ADD2: variants seen among roughly 807,000 people sequenced by gnomAD.
ADD2 encodes beta-adducin.
In ADD2, 23 loss-of-function variants were observed where a neutral mutation model predicts 83.0. That is an observed-to-expected ratio of 0.28 (90% confidence interval 0.20 to 0.39). ADD2 has a LOEUF of 0.39. Among genes scored for constraint, ADD2 ranks in the 10% least tolerant of loss-of-function variants. ADD2 has a pLI of 1.00. For missense variants in ADD2, 758 were observed against 944.9 expected (o/e 0.80, Z 2.59); for synonymous variants, 375 against 375.4 (o/e 1.00, Z 0.01).
chr2:70,672,164 C>A (rs1401185377), intron 15 of ADD2, among the ~76,000 whole-genome samples: 2 of 152,202 alleles, frequency 1.3e-5, no homozygotes, highest in African/African-American at 2.4e-5. Flanking sequence ...GTCAACAAAA[C>A]TGAGGCTCAG....
chr2:70,734,134 T>C (rs1432228154), intron 1 of ADD2, among the ~76,000 whole-genome samples: 2 of 152,150 alleles, frequency 1.3e-5, no homozygotes, highest in African/African-American at 4.8e-5. Context: ...GGGGGCTCTA[T>C]TAATGGCTCA....
intron 10 of ADD2, among the ~76,000 whole-genome samples, chr2:70,681,974 A>C (rs75244570): frequency 0.066 from 10,033 of 152,016 alleles, 556 homozygotes; most frequent in African/African-American, 0.15. Context: ...TCTGACTCAG[A>C]CTCCCAAGGT....
At chr2:70,735,787 T>C (rs3771414) in intron 1 of ADD2, among the ~76,000 whole-genome samples, 49,485 of 147,188 alleles carry the variant, frequency 0.34, 8,466 homozygotes, top group Middle Eastern at 0.41. Flanking sequence ...AGTGGCGTGA[T>C]CTTGGCTCAC....
intron 15 of ADD2, among the ~76,000 whole-genome samples, chr2:70,666,681 A>G (rs1468400866): frequency 6.6e-6 from 1 of 152,116 alleles, no homozygotes; most frequent in Non-Finnish European, 1.5e-5. Context: ...TCCTTCAACC[A>G]TGCCCCTCAT....
At chr2:70,741,517 T>C (rs1673904916) in intron 1 of ADD2, 1 of 152,258 alleles carries the variant, frequency 6.6e-6, no homozygotes, top group East Asian at 1.9e-4. Flanking sequence ...CACCAGTATA[T>C]GTTTCCTCTC....
intron 4 of ADD2, among the ~76,000 whole-genome samples, chr2:70,698,537 T>C (rs188913285): frequency 6.6e-6 from 1 of 152,328 alleles, no homozygotes; most frequent in African/African-American, 2.4e-5. Context: ...CAAGAATTCA[T>C]AGTGTATTTC....
chr2:70,737,456 T>C (rs1225045946), intron 1 of ADD2, among the ~76,000 whole-genome samples: 1 of 151,796 alleles, frequency 6.6e-6, no homozygotes, highest in Non-Finnish European at 1.5e-5. Flanking sequence ...ACCATCATTC[T>C]CAGCAGACTA....
chr2:70,757,120 G>A (rs971424903), intron 1 of ADD2, among the ~76,000 whole-genome samples: 1 of 152,194 alleles, frequency 6.6e-6, no homozygotes, highest in African/African-American at 2.4e-5. Context: ...AAGCCACCGT[G>A]CCCGGCTGGT....
chr2:70,730,449 C>T (rs13008845), intron 1 of ADD2, among the ~76,000 whole-genome samples: 20,496 of 152,232 alleles, frequency 0.13, 1,567 homozygotes, highest in Middle Eastern at 0.26. Context: ...TTTACACACA[C>T]CTGTTATGTC....
intron 4 of ADD2, among the ~76,000 whole-genome samples, chr2:70,698,813 G>A (rs1671437209): frequency 6.6e-6 from 1 of 152,058 alleles, no homozygotes; most frequent in South Asian, 2.1e-4. Flanking sequence ...AGATCTAACT[G>A]AGCCATTTAG....
At chr2:70,767,107 C>T (rs1675424747) in intron 1 of ADD2, among the ~76,000 whole-genome samples, 2 of 152,170 alleles carry the variant, frequency 1.3e-5, no homozygotes, top group Admixed American at 6.5e-5. Flanking sequence ...CCCTTCCCCC[C>T]AACACCAGGT....
rs529676412 is a variant in ADD2 at position 70,741,694 on chromosome 2, T to A, written c.-154+26192A>T. The stretch of plus-strand genomic sequence containing the variant: ...CCAGCAATTTCCAGATGATGACAAC[T>A]CCATCAGCTAAATCTCTGAGTAAGG... On this transcript the variant is annotated intron_variant, in intron 1 of 15. Transcript: ENST00000264436. Among the ~76,000 whole-genome samples, 73 of 152,306 alleles carry A rather than the reference T, an allele frequency of 4.8e-4. 2 individuals carry two copies. The South Asian group carries it at 0.015, about 32-fold the overall frequency.
intron 7 of ADD2, among the ~76,000 whole-genome samples, chr2:70,691,990 C>G (rs1553371741): frequency 2.0e-5 from 3 of 152,202 alleles, no homozygotes. Context: ...CCCAGTTTTG[C>G]TTGCTCCGTC....
intron 6 of ADD2, among the ~76,000 whole-genome samples, chr2:70,694,843 C>A (rs1671231151): frequency 6.6e-6 from 1 of 152,016 alleles, no homozygotes; most frequent in African/African-American, 2.4e-5. Flanking sequence ...GCTTTCATAG[C>A]TGATTACCTC....
intron 15 of ADD2, among the ~76,000 whole-genome samples, chr2:70,664,400 C>T (rs186662134): frequency 6.6e-6 from 1 of 152,314 alleles, no homozygotes; most frequent in East Asian, 1.9e-4. Context: ...ATGTTCAAGG[C>T]CAGAGTTACT....
At chr2:70,680,239 A>C (rs1553369312) in intron 10 of ADD2, among the ~76,000 whole-genome samples, 1 of 152,154 alleles carries the variant, frequency 6.6e-6, no homozygotes, top group African/African-American at 2.4e-5. Context: ...GAAATAAATG[A>C]AGTAGCATCT....
chr2:70,740,033 A>G (rs1673800920), intron 1 of ADD2, among the ~76,000 whole-genome samples: 1 of 152,228 alleles, frequency 6.6e-6, no homozygotes, highest in Non-Finnish European at 1.5e-5. Context: ...AAAAGTTAAA[A>G]AACTAAAATA....
intron 1 of ADD2, among the ~76,000 whole-genome samples, chr2:70,764,108 G>A (rs919075631): frequency 4.0e-5 from 6 of 151,474 alleles, no homozygotes; most frequent in East Asian, 1.9e-4. Context: ...TGCTGGTCTC[G>A]AACTCCTGAC....
At chr2:70,683,523 G>A in intron 10 of ADD2, 68 bp downstream of exon 10, 4 of 1,507,516 alleles carry the variant, frequency 2.7e-6, no homozygotes, top group Non-Finnish European at 3.6e-6. Flanking sequence ...CTGATGCCTT[G>A]TACTTCCTGG....
Sources: gnomAD v4.1 joint callset for allele counts (sites outside exome capture counted in the v4.1 genomes callset) on GRCh38, gnomAD v4.1.1 for gene constraint, MANE v1.5 for transcripts, NCBI Gene and HGNC (gene_info 2026-07-23, HGNC 2026-07-21) for gene names.